Variants in LIPN observed in about 807,000 individuals in gnomAD.
LIPN encodes the protein lipase family member N.
In LIPN, 32 loss-of-function variants were observed where a neutral mutation model predicts 43.7. That is an observed-to-expected ratio of 0.73 (90% CI 0.55 to 0.98). The LOEUF is 0.98. LIPN is among the 50% of genes least tolerant of loss of function. The pLI is 0.00. For missense variants in LIPN, 505 were observed against 483.8 expected (o/e 1.04, Z -0.41); for synonymous variants, 156 against 157.6 (o/e 0.99, Z 0.08).
chr10:88,778,286 A>C lies in LIPN; in HGVS notation c.*44A>C. On this transcript the variant is annotated 3_prime_UTR_variant, in exon 10 of 10. Transcript: ENST00000404459. Reference sequence around the variant, plus strand: ...TCAATTAAAAGTTGCTTCCAAGCCCATAAGGGACTTTAGAAAAAATAGTAA... The same window carrying C: ...TCAATTAAAAGTTGCTTCCAAGCCCCTAAGGGACTTTAGAAAAAATAGTAA... The C allele has an allele frequency of 6.9e-7, 1 of 1,447,460 alleles. No homozygotes were observed. Among genetic ancestry groups the C allele is most frequent in the Non-Finnish European group, 9.5e-7 (1 of 1,054,696 alleles). The allele number at this position is 1,447,460 out of a possible 1,614,324, so 89.7% of individuals were successfully genotyped here. A position where few individuals can be genotyped will look rare whatever the true frequency, so the allele number is the denominator to read the frequency against.
chr10:88,761,216 A>G (rs1590171527), intron 1 of LIPN, among the ~76,000 whole-genome samples, 182 bp from the exon 2 acceptor site: 1 of 152,128 alleles, frequency 6.6e-6, no homozygotes. Context: ...CAACTTCTAC[A>G]TGAAAAAATA....
At chr10:88,777,425 A>G (rs1843313107) in intron 9 of LIPN, among the ~76,000 whole-genome samples, 1 of 151,796 alleles carries the variant, frequency 6.6e-6, no homozygotes, top group East Asian at 1.9e-4. Context: ...CCTTCAACCT[A>G]TTCTTTCTGT....
At chr10:88,763,579 G>C (rs937871441) in intron 3 of LIPN, among the ~76,000 whole-genome samples, 1 of 152,044 alleles carries the variant, frequency 6.6e-6, no homozygotes, top group Non-Finnish European at 1.5e-5. Context: ...AACCGGTTAT[G>C]TTAAGAGGCC....
In LIPN at chr10:88,761,515, T is replaced by C; in HGVS notation, c.108+2T>C. 6.3e-7 allele frequency: 1 copy of C among 1,592,034 alleles called. No homozygotes were observed. The stretch of plus-strand genomic sequence containing the variant: ...AATCCTGAGGTGTGGATGAATACTG[T>C]AAGTCATGGAAAACTGTGAAGAACA... On this transcript the variant is annotated splice_donor_variant, in intron 2 of 9. Transcript: ENST00000404459. LOFTEE classifies it high-confidence loss of function.
At chr10:88,766,102 AAAAC>A (rs1843091442) in intron 4 of LIPN, among the ~76,000 whole-genome samples, 163 bp from the exon 5 acceptor site, 1 of 152,006 alleles carries the variant, frequency 6.6e-6, no homozygotes, top group South Asian at 2.1e-4. Context: ...CATATGCAGA[AAAAC>A]AAAAAGCTAC....
At chr10:88,770,280 T>C (rs373447647) in intron 6 of LIPN, among the ~76,000 whole-genome samples, 1 of 151,906 alleles carries the variant, frequency 6.6e-6, no homozygotes, top group East Asian at 1.9e-4. Flanking sequence ...CTCACTGTTC[T>C]CTACTTTTCA....
chr10:88,770,003 G>A (rs1049494004), intron 6 of LIPN, among the ~76,000 whole-genome samples: 11 of 151,912 alleles, frequency 7.2e-5, no homozygotes, highest in South Asian at 4.2e-4. Flanking sequence ...ACATATATGC[G>A]TTGTTTGTGT....
At chr10:88,771,063 A>T in intron 7 of LIPN, 72 bp downstream of exon 7, 1 of 1,257,156 alleles carries the variant, frequency 8.0e-7, no homozygotes, top group Non-Finnish European at 1.1e-6. Context: ...ATTTTGATAT[A>T]TCTATTTACT....
chr10:88,762,038 T>G (rs1843009865), intron 2 of LIPN, 150 bp from the exon 3 acceptor site: 2 of 498,840 alleles, frequency 4.0e-6, no homozygotes, highest in South Asian at 8.0e-5. Context: ...ACTTATTTTG[T>G]ATTAAGACTT....
chr10:88,772,574 G>A (rs814630), intron 7 of LIPN, among the ~76,000 whole-genome samples: 120,862 of 151,830 alleles, frequency 0.8, 49,117 homozygotes, highest in East Asian at 1. Context: ...AAATGTGTGG[G>A]TTTATTTGTG....
Position 88,766,332 on chromosome 10 carries a change from T to C in LIPN, c.489T>C (p.Gly163=), listed in dbSNP as rs749040531. 1.9e-6 allele frequency: 3 copies of C among 1,609,990 alleles called. No homozygotes were observed. The highest frequency in any genetic ancestry group is 2.2e-5 in the East Asian group (1 of 44,810). The change falls in exon 5 of 10, where the codon GGT becomes GGC. Residue 163 remains glycine (G), a synonymous_variant. Transcript: ENST00000404459. ...TAGACTTCATTGTAAATAAAACTGGTCAGGAGAAATTGTATTTCATTGGAC... is the reference window on the plus strand; with the variant it reads ...TAGACTTCATTGTAAATAAAACTGGCCAGGAGAAATTGTATTTCATTGGAC... The part of the protein sequence containing the change: ...GVIDFIVNKT[G]QEKLYFIGHS...
chr10:88,764,494 G>T lies in LIPN; in HGVS notation c.311G>T (p.Gly104Val), dbSNP rs1487541338. The change falls in exon 4 of 10, where the codon GGA (glycine) becomes GTA (valine). Residue 104 changes from glycine to valine, a missense_variant. Coordinates refer to ENST00000404459, the MANE Select transcript of LIPN (RefSeq NM_001102469.2). The part of the protein sequence containing the change: ...WLENYANGSL[G>V]FLLADAGYDV... ...GAGAATTATGCTAATGGAAGCCTTG[G>T]ATTCCTTCTAGCAGATGCAGGTTAT... 8 of 1,612,274 alleles carry T rather than the reference G, an allele frequency of 5.0e-6. No individual in the cohort carries two copies. The East Asian group carries it at 1.8e-4, about 36-fold the overall frequency.
upstream of LIPN, among the ~76,000 whole-genome samples, chr10:88,757,708 A>G (rs779224786): frequency 6.6e-6 from 1 of 152,180 alleles, no homozygotes; most frequent in Non-Finnish European, 1.5e-5. Flanking sequence ...GTAATTATGA[A>G]CATTCCCAAC....
chr10:88,764,381 C>G, intron 3 of LIPN, 29 bp from the exon 4 acceptor site: 1 of 1,554,180 alleles, frequency 6.4e-7, no homozygotes, highest in Non-Finnish European at 8.8e-7. Flanking sequence ...CTCTTTCTCC[C>G]TCTCTCATCT....
Position 88,778,009 on chromosome 10 carries a change from A to G in LIPN, c.964A>G (p.Ser322Gly). ...DADNMKHYNQ[S>G]HPPIYDLTAM... is the part of the protein sequence containing the mutation. ...AATGCCCTTGCTTTCTCTCCCACAG[A>G]GTCATCCCCCTATATATGACCTGAC... The change falls in exon 10 of 10, where the codon AGT becomes GGT. Residue 322 changes from serine (S) to glycine (G), a missense_variant and splice_region_variant. Ser to Gly is a moderately conservative substitution (Grantham distance 56). Transcript: ENST00000404459. 3.1e-6 allele frequency: 5 copies of G among 1,601,182 alleles called. No individual in the cohort carries two copies. The highest frequency in any genetic ancestry group is 1.3e-5 in the African/African-American group (1 of 74,760).
intron 7 of LIPN, among the ~76,000 whole-genome samples, chr10:88,771,776 G>T (rs1843213422): frequency 6.6e-6 from 1 of 151,034 alleles, no homozygotes; most frequent in Admixed American, 6.6e-5. Context: ...ACCTAGCACT[G>T]GAATTGCTGG....
chr10:88,769,587 A>G (rs1843172246), intron 6 of LIPN: 50 of 984,370 alleles, frequency 5.1e-5, no homozygotes, highest in Non-Finnish European at 5.8e-5. Flanking sequence ...ATTTAATCAA[A>G]TTCCAGATTG....
At chr10:88,758,914 A>C (rs1447806461), upstream of LIPN, among the ~76,000 whole-genome samples, 1 of 152,122 alleles carries the variant, frequency 6.6e-6, no homozygotes, top group Non-Finnish European at 1.5e-5. Context: ...AATAATAATA[A>C]CATAGCACTT....
Position 88,778,991 on chromosome 10 carries a change from G to A in LIPN, c.*749G>A, listed in dbSNP as rs1278704048. On this transcript the variant is annotated 3_prime_UTR_variant, in exon 10 of 10. Coordinates refer to ENST00000404459, the MANE Select transcript of LIPN (RefSeq NM_001102469.2). Reference sequence around the variant, plus strand: ...TCTTTGAGGGGTTTGAACATTCCATGAAAAACTGACAGATAGGAAACTGAC... The same window carrying A: ...TCTTTGAGGGGTTTGAACATTCCATAAAAAACTGACAGATAGGAAACTGAC... Among the ~76,000 whole-genome samples the A allele has an allele frequency of 2.0e-5, 3 of 152,112 alleles. No homozygotes were observed. The highest frequency in any genetic ancestry group is 7.2e-5 in the African/African-American group (3 of 41,432).
Sources: allele counts gnomAD v4.1 joint callset (sites outside exome capture counted in the v4.1 genomes callset), GRCh38; gene constraint gnomAD v4.1.1; transcripts MANE v1.5; gene names NCBI Gene and HGNC (gene_info 2026-07-23, HGNC 2026-07-21).